The following WDR25 variants were observed in gnomAD, a reference collection of about 807,000 sequenced individuals.
The protein encoded by WDR25 is WD repeat domain 25.
WDR25 carries 35 observed loss-of-function variants against 47.7 expected under a neutral mutation model. The observed-to-expected ratio is 0.73, with a 90% CI of 0.56 to 0.97. WDR25 has a LOEUF of 0.97. WDR25 is among the 50% of genes least tolerant of loss of function. The pLI is 0.00. For synonymous variants in WDR25, 248 were observed against 278.9 expected (o/e 0.89, Z 1.10); for missense variants, 634 against 704.7 (o/e 0.90, Z 1.14).
At chr14:100,420,094 C>T (rs1478590155) in intron 2 of WDR25, among the ~76,000 whole-genome samples, 1 of 152,144 alleles carries the variant, frequency 6.6e-6, no homozygotes, top group East Asian at 1.9e-4. Context: ...CCCTGTAGGC[C>T]CCTCACAAGG....
chr14:100,470,426 T>C (rs1298448631), intron 3 of WDR25, among the ~76,000 whole-genome samples: 1 of 152,210 alleles, frequency 6.6e-6, no homozygotes. Context: ...ATTGATGGGT[T>C]CATAGTGGCC....
chr14:100,376,630 G>A, intron 1 of WDR25, 135 bp downstream of exon 1: 1 of 1,231,962 alleles, frequency 8.1e-7, no homozygotes, highest in South Asian at 4.1e-5. Flanking sequence ...AGAAAGCGCT[G>A]TGCCTTGGAC....
intron 2 of WDR25, among the ~76,000 whole-genome samples, chr14:100,397,798 G>T (rs759495973): frequency 2.0e-5 from 3 of 152,232 alleles, no homozygotes; most frequent in Non-Finnish European, 4.4e-5. Context: ...ACGAGGCTGG[G>T]CATTGGATGC....
chr14:100,501,506 G>A (rs968925263), intron 4 of WDR25, among the ~76,000 whole-genome samples: 3 of 152,166 alleles, frequency 2.0e-5, no homozygotes, highest in Admixed American at 6.5e-5. Flanking sequence ...CTAACCCAGT[G>A]CGATAACACC....
chr14:100,429,131 A>G (rs1319589537), intron 2 of WDR25, among the ~76,000 whole-genome samples: 2 of 152,214 alleles, frequency 1.3e-5, no homozygotes, highest in Non-Finnish European at 2.9e-5. Flanking sequence ...TCTAGGCTGC[A>G]GAACAGGACC....
At chr14:100,517,980 A>G (rs1284775491) in intron 4 of WDR25, among the ~76,000 whole-genome samples, 1 of 152,234 alleles carries the variant, frequency 6.6e-6, no homozygotes, top group African/African-American at 2.4e-5. Flanking sequence ...AGACAATGCT[A>G]TATATTTTTT....
At position 100,483,990 on chromosome 14, in the gene WDR25, G is replaced by T. The variant is rs373104783; in HGVS notation, c.971-4G>T. On this transcript the variant is annotated splice_polypyrimidine_tract_variant and splice_region_variant and intron_variant, in intron 3 of 6. Transcript: ENST00000402312. ...TAACCCTCTCTTCTCTTTTTGTGTT[G>T]TAGGAACCCAGCTATTTAGTGGTCG... The T allele has an allele frequency of 1.1e-5, 17 of 1,604,538 alleles. No individual in the cohort carries two copies. Among genetic ancestry groups the T allele is most frequent in the Non-Finnish European group, 1.3e-5 (15 of 1,177,252 alleles).
intron 2 of WDR25, among the ~76,000 whole-genome samples, chr14:100,452,474 A>G (rs1285204426): frequency 6.6e-6 from 1 of 152,244 alleles, no homozygotes; most frequent in East Asian, 1.9e-4. Flanking sequence ...AGCAGTGTTT[A>G]GATCGTGTGG....
At chr14:100,516,417 T>G (rs1023097857) in intron 4 of WDR25, among the ~76,000 whole-genome samples, 8 of 152,244 alleles carry the variant, frequency 5.3e-5, no homozygotes, top group Admixed American at 1.3e-4. Context: ...CTCACATGAA[T>G]GCACTGATTA....
chr14:100,469,150 G>T (rs1040094144), intron 3 of WDR25, among the ~76,000 whole-genome samples: 3 of 152,124 alleles, frequency 2.0e-5, no homozygotes, highest in Non-Finnish European at 4.4e-5. Context: ...TAGCCCCGCA[G>T]TGGTGGTGGC....
intron 2 of WDR25, among the ~76,000 whole-genome samples, chr14:100,441,718 CT>C (rs1156381587): frequency 6.6e-6 from 1 of 152,182 alleles, no homozygotes; most frequent in African/African-American, 2.4e-5. Flanking sequence ...ACTTTCGCTT[CT>C]GTCATAGGGC....
chr14:100,468,142 C>A lies in WDR25; in HGVS notation c.944C>A (p.Ala315Glu), dbSNP rs751915088. Residue 315 changes from alanine to glutamate, a missense_variant, in exon 3 of 7, where the codon GCG (alanine) becomes GAG (glutamate). Ala to Glu is a moderately radical substitution (Grantham distance 107). Coordinates refer to ENST00000402312, the MANE Select transcript of WDR25 (RefSeq NM_001161476.3). This position sits in a 1 kb window ranked among gnomAD's most constrained non-coding sequence, Gnocchi z 4.5. ...ATCCTCAGTGGTGGCTTTGACTTCG[C>A]GCTGCACCTAACAGACCTTGAAACA... is the stretch of plus-strand genomic sequence containing the variant. ...RRILSGGFDF[A>E]LHLTDLETGT... 1.2e-6 allele frequency: 2 copies of A among 1,613,348 alleles called. No individual in the cohort carries two copies. The highest frequency in any genetic ancestry group is 1.7e-5 in the Admixed American group (1 of 59,996).
chr14:100,490,367 A>C (rs1184868230), intron 4 of WDR25, among the ~76,000 whole-genome samples: 3 of 152,238 alleles, frequency 2.0e-5, no homozygotes, highest in African/African-American at 7.2e-5. Context: ...TTAAAATCAC[A>C]AGCAATTATC....
At position 100,529,659 on chromosome 14, in the gene WDR25, GC is replaced by G; in HGVS notation, c.1414-159del. On this transcript the variant is annotated intron_variant, in intron 6 of 6. Transcript: ENST00000402312. The surrounding 1 kb of genome is among the most constrained non-coding windows in gnomAD (Gnocchi z 5.1). The stretch of plus-strand genomic sequence containing the variant: ...TGTGGGCCCGCATCAGGGCTCTACA[GC>G]CTCATGGGCGGGACCTGGGCTTTGG... 1 of 781,404 alleles carries G rather than the reference GC, an allele frequency of 1.3e-6. No homozygotes were observed. The allele number at this position is 781,404 out of a possible 1,614,324, so 48.4% of individuals were successfully genotyped here.
intron 2 of WDR25, among the ~76,000 whole-genome samples, chr14:100,408,456 G>A (rs1411653069): frequency 6.6e-6 from 1 of 152,162 alleles, no homozygotes; most frequent in Non-Finnish European, 1.5e-5. Flanking sequence ...ATGACAGAAG[G>A]CCATGTTCTC....
intron 4 of WDR25, among the ~76,000 whole-genome samples, chr14:100,520,065 T>G (rs1901664086): frequency 8.2e-6 from 1 of 122,292 alleles, no homozygotes; most frequent in Non-Finnish European, 1.6e-5. Context: ...TACATATGTG[T>G]GTGTGTGTGT....
Position 100,381,685 on chromosome 14 carries a change from G to A in WDR25, c.761G>A (p.Trp254Ter). The A allele has an allele frequency of 6.2e-7, 1 of 1,614,132 alleles. No individual in the cohort carries two copies. Among genetic ancestry groups the A allele is most frequent in the Non-Finnish European group, 8.5e-7 (1 of 1,180,006 alleles). Reference protein sequence around the residue: ...GHRGPVNTIQWCPVLSKSHML... With the variant: ...GHRGPVNTIQ ...AGGGGCCCTGTCAACACCATTCAGT[G>A]GTGTCCAGTCCTTTCTAAGAGCCAC... Residue 254 changes from tryptophan (W) to a stop codon, truncating the protein, a stop_gained, in exon 2 of 7, where the codon TGG (tryptophan) becomes TAG (stop). Coordinates refer to ENST00000402312, the MANE Select transcript of WDR25 (RefSeq NM_001161476.3). LOFTEE classifies it high-confidence loss of function.
rs1209991472 is a variant in WDR25 at position 100,392,842 on chromosome 14, C to G, written c.822+11096C>G. On this transcript the variant is annotated intron_variant, in intron 2 of 6. Transcript: ENST00000402312. The surrounding 1 kb of genome is among the most constrained non-coding windows in gnomAD (Gnocchi z 4.2). ...AAGTGGTTATCTTCATGCATGAAACCCTTTTCTGTTGGATTATTTCTTTCG... is the reference window on the plus strand; with the variant it reads ...AAGTGGTTATCTTCATGCATGAAACGCTTTTCTGTTGGATTATTTCTTTCG... 6.6e-6 allele frequency among the ~76,000 whole-genome samples: 1 copy of G among 152,102 alleles called. No homozygotes were observed. Among genetic ancestry groups the G allele is most frequent in the Non-Finnish European group, 1.5e-5 (1 of 68,014 alleles).
At chr14:100,421,392 G>A (rs1229087154) in intron 2 of WDR25, among the ~76,000 whole-genome samples, 4 of 152,272 alleles carry the variant, frequency 2.6e-5, no homozygotes, top group Middle Eastern at 3.4e-3. Context: ...AGCCACAGTC[G>A]TGGCCTTTGG....
Sources: gnomAD v4.1 joint callset for allele counts (sites outside exome capture counted in the v4.1 genomes callset) on GRCh38, gnomAD v4.1.1 for gene constraint, Gnocchi (gnomAD v3.1) non-coding constraint, MANE v1.5 for transcripts, NCBI Gene and HGNC (gene_info 2026-07-23, HGNC 2026-07-21) for gene names.